The following CAND2 variants were observed in gnomAD, a reference collection of about 807,000 sequenced individuals.
The protein encoded by CAND2 is cullin-associated NEDD8-dissociated protein 2.
A neutral mutation model predicts 98.9 loss-of-function variants in CAND2; 62 were observed. The observed-to-expected ratio is 0.63, with a 90% CI of 0.51 to 0.77. The LOEUF (loss-of-function observed/expected upper bound fraction) is 0.77. Among genes scored for constraint, CAND2 ranks in the 30% least tolerant of loss-of-function variants. The probability of loss-of-function intolerance (pLI) is 0.00; values close to 1 mark genes in which losing one functional copy is unlikely to be tolerated. For synonymous variants in CAND2, 770 were observed against 731.9 expected (o/e 1.05, Z -0.84); for missense variants, 1,501 against 1,655.2 (o/e 0.91, Z 1.62).
At chr3:12,830,002 G>A (rs563768572) in intron 13 of CAND2, among the ~76,000 whole-genome samples, 13 of 152,246 alleles carry the variant, frequency 8.5e-5, no homozygotes, top group Admixed American at 3.3e-4. Context: ...CGGTGTGATC[G>A]GTGGGCTTCT....
rs1469592199 is a variant in CAND2, at chr3:12,813,505, C to G, written c.1006+117C>G. 5 of 1,021,964 alleles carry G rather than the reference C, an allele frequency of 4.9e-6. No individual in the cohort carries two copies. The African/African-American group carries it at 8.0e-5, about 16-fold the overall frequency. The allele number at this position is 1,021,964 out of a possible 1,614,324, so 63.3% of individuals were successfully genotyped here. On this transcript the variant is annotated intron_variant, in intron 7 of 14. Transcript: ENST00000456430. ...GCCCCTGTCCTGATGCCAGCTCTTT[C>G]TCAAGCTCCAGTCCCACCCGCTGTG...
intron 4 of CAND2, among the ~76,000 whole-genome samples, chr3:12,809,522 C>T (rs1217965942): frequency 2.6e-5 from 4 of 152,074 alleles, no homozygotes; most frequent in Admixed American, 6.6e-5. Context: ...GCACGGGCCT[C>T]GTTTGAAGGT....
Position 12,798,898 on chromosome 3 carries a change from C to T in CAND2, c.68+2110C>T, listed in dbSNP as rs978760969. ...GGGTTTCTCTGTAATGAAACTGAGA[C>T]TGTCCTCTGGTTCCTGGAGCGGGGC... On this transcript the variant is annotated intron_variant, in intron 1 of 14. Transcript: ENST00000456430. Among the ~76,000 whole-genome samples, 8 of 151,880 alleles carry T rather than the reference C, an allele frequency of 5.3e-5. No individual in the cohort carries two copies. In the East Asian group the frequency reaches 1.4e-3, roughly 26 times the overall value.
intron 4 of CAND2, 103 bp downstream of exon 4, chr3:12,808,436 TG>T (rs1364732653): frequency 5.4e-6 from 7 of 1,294,766 alleles, no homozygotes; most frequent in African/African-American, 4.4e-5. Context: ...GCCCTGTGCT[TG>T]GGGCTCCTTA....
At position 12,807,465 on chromosome 3, in the gene CAND2, C is replaced by T; in HGVS notation, c.367+5C>T. 6.4e-7 allele frequency: 1 copy of T among 1,551,170 alleles called. No individual in the cohort carries two copies. The highest frequency in any genetic ancestry group is 8.7e-7 in the Non-Finnish European group (1 of 1,146,674). ...AGCTCCCTCCTGCAGCCACAGGTAC[C>T]CAGGTCCCCAGGACTAGGTACTGTT... On this transcript the variant is annotated splice_donor_5th_base_variant and intron_variant, in intron 3 of 14. Transcript: ENST00000456430.
At chr3:12,825,114 TTC>T (rs1238913226) in intron 11 of CAND2, among the ~76,000 whole-genome samples, 47 of 147,452 alleles carry the variant, frequency 3.2e-4, no homozygotes, top group South Asian at 3.1e-3. Flanking sequence ...AAAAATTTTT[TTC>T]TTTTTTTTTT....
At chr3:12,828,401 G>A (rs1306709404) in intron 13 of CAND2, among the ~76,000 whole-genome samples, 1 of 139,690 alleles carries the variant, frequency 7.2e-6, no homozygotes, top group East Asian at 2.1e-4. Flanking sequence ...GCAGTGGCTT[G>A]ATCTCAGCTG....
At chr3:12,827,012 T>G (rs2062007980) in intron 12 of CAND2, among the ~76,000 whole-genome samples, 1 of 151,988 alleles carries the variant, frequency 6.6e-6, no homozygotes, top group African/African-American at 2.4e-5. Flanking sequence ...TTTGTATTTT[T>G]AGTAGAGGTG....
intron 1 of CAND2, among the ~76,000 whole-genome samples, chr3:12,798,926 C>T (rs376799924): frequency 6.8e-6 from 1 of 147,058 alleles, no homozygotes; most frequent in Non-Finnish European, 1.5e-5. Context: ...AGCGGGGCAG[C>T]GACTGCAAAT....
chr3:12,816,228 C>T, intron 9 of CAND2, 146 bp from the exon 10 acceptor site: 1 of 881,428 alleles, frequency 1.1e-6, no homozygotes, highest in East Asian at 2.6e-5. Context: ...GGCCACTGGT[C>T]AGGGCTGACT....
intron 1 of CAND2, among the ~76,000 whole-genome samples, chr3:12,803,207 T>C (rs2061779398): frequency 6.6e-6 from 1 of 152,156 alleles, no homozygotes; most frequent in Admixed American, 6.5e-5. Context: ...TTAGCCAGGA[T>C]GGTCTTGATC....
At chr3:12,804,775 G>T (rs1420938295) in intron 2 of CAND2, among the ~76,000 whole-genome samples, 1 of 152,188 alleles carries the variant, frequency 6.6e-6, no homozygotes, top group Non-Finnish European at 1.5e-5. Context: ...ATTGGGCACT[G>T]TCTCTCAAAC....
rs1297463623 is a variant in CAND2 at position 12,817,216 on chromosome 3, C to T, written c.2284C>T (p.Gln762Ter). The T allele has an allele frequency of 6.2e-7, 1 of 1,613,536 alleles. No homozygotes were observed. The highest frequency in any genetic ancestry group is 1.3e-5 in the African/African-American group (1 of 74,948). The change falls in exon 10 of 15, where the codon CAG (glutamine) becomes TAG (stop). Residue 762 changes from glutamine to a stop codon, truncating the protein, a stop_gained. Coordinates refer to ENST00000456430, the MANE Select transcript of CAND2 (RefSeq NM_001162499.2). LOFTEE classifies it high-confidence loss of function. ...TCTGGCAGCTGCTGAAGGCTTCCTG[C>T]AGGCCCTGGTAGGGACCCGTCCCCC... is the stretch of plus-strand genomic sequence containing the variant. ...GVLAAAEGFL[Q>*]ALVGTRPPCV...
Position 12,816,605 on chromosome 3 carries a change from C to T in CAND2, c.1673C>T (p.Pro558Leu). 1 of 1,613,918 alleles carries T rather than the reference C, an allele frequency of 6.2e-7. No homozygotes were observed. The highest frequency in any genetic ancestry group is 8.5e-7 in the Non-Finnish European group (1 of 1,180,026). Reference protein sequence around the residue: ...LVRALWPLHRPRMLDPEPYVG... With the variant: ...LVRALWPLHRLRMLDPEPYVG... Reference sequence around the variant, plus strand: ...CGGGCCCTGTGGCCGCTGCACAGGCCTCGGATGCTGGATCCTGAGCCATAT... The same window carrying T: ...CGGGCCCTGTGGCCGCTGCACAGGCTTCGGATGCTGGATCCTGAGCCATAT... The change falls in exon 10 of 15, where the codon CCT becomes CTT. Residue 558 changes from proline (P) to leucine (L), a missense_variant. Around this residue, in one of 3 missense-constraint regions of CAND2, gnomAD observed 1,427 missense variants for 1,545.3 expected, o/e 0.92. Coordinates refer to ENST00000456430, the MANE Select transcript of CAND2 (RefSeq NM_001162499.2).
chr3:12,817,484 G>A lies in CAND2; in HGVS notation c.2552G>A (p.Gly851Asp). Reference protein sequence around the residue: ...VLAFLSLAEVGQVAGPGHQRE... With the variant: ...VLAFLSLAEVDQVAGPGHQRE... ...GCATTCTTGTCGCTGGCTGAGGTGG[G>A]TCAGGTGGCTGGGCCAGGCCACCAG... Residue 851 changes from glycine (G) to aspartate (D), a missense_variant, in exon 10 of 15, where the codon GGT becomes GAT. Transcript: ENST00000456430. 6.2e-7 allele frequency: 1 copy of A among 1,613,608 alleles called. No individual in the cohort carries two copies. Among genetic ancestry groups the A allele is most frequent in the Non-Finnish European group, 8.5e-7 (1 of 1,179,896 alleles).
Position 12,815,705 on chromosome 3 carries a change from C to T in CAND2, c.1300-162C>T, listed in dbSNP as rs2061893230. On this transcript the variant is annotated intron_variant, in intron 8 of 14. Transcript: ENST00000456430. This position sits in a 1 kb window ranked among gnomAD's most constrained non-coding sequence, Gnocchi z 5.7. ...TGCCTACTCTCCAAGGGTCTGTGTGCGGTCACCAAAAGCCTGGCACAGAGT... is the reference window on the plus strand; with the variant it reads ...TGCCTACTCTCCAAGGGTCTGTGTGTGGTCACCAAAAGCCTGGCACAGAGT... 6.6e-6 allele frequency among the ~76,000 whole-genome samples: 1 copy of T among 152,114 alleles called. No homozygotes were observed.
At chr3:12,814,020 TA>T (rs1454568512) in intron 7 of CAND2, among the ~76,000 whole-genome samples, 1 of 152,152 alleles carries the variant, frequency 6.6e-6, no homozygotes, top group African/African-American at 2.4e-5. Context: ...GATGGGATGG[TA>T]AATGAGATTG....
intron 13 of CAND2, among the ~76,000 whole-genome samples, chr3:12,829,134 CTTTATT>C (rs1011017025): frequency 6.4e-4 from 98 of 152,274 alleles, no homozygotes; most frequent in African/African-American, 2.1e-3. Context: ...TATACTACAA[CTTTATT>C]TTTAAGTTTT....
chr3:12,831,505 G>T lies in CAND2; in HGVS notation c.3416G>T (p.Cys1139Phe). ...ATGGTTGCCCGGCTGGCCACCCTGT[G>T]TCCTGCACCTGTCCTGCAGAGGGTG... ...FIMVARLATL[C>F]PAPVLQRVDR... Residue 1139 changes from cysteine to phenylalanine, a missense_variant, in exon 14 of 15, where the codon TGT becomes TTT. Physicochemically the swap from Cys to Phe is radical, Grantham distance 205 (BLOSUM62 -2). Transcript: ENST00000456430. The T allele has an allele frequency of 6.2e-7, 1 of 1,614,074 alleles. No individual in the cohort carries two copies. Among genetic ancestry groups the T allele is most frequent in the Non-Finnish European group, 8.5e-7 (1 of 1,180,008 alleles).
Sources: gnomAD v4.1 joint callset for allele counts (sites outside exome capture counted in the v4.1 genomes callset) on GRCh38, gnomAD v4.1.1 for gene constraint, gnomAD v4.1.1 regional missense constraint, Gnocchi (gnomAD v3.1) non-coding constraint, MANE v1.5 for transcripts, NCBI Gene and HGNC (gene_info 2026-07-23, HGNC 2026-07-21) for gene names.